Variants in TLR6 observed in about 807,000 individuals in gnomAD.
The protein encoded by TLR6 is toll-like receptor 6.
In TLR6, 9 loss-of-function variants were observed where a neutral mutation model predicts 16.1. That is an observed-to-expected ratio of 0.56 (90% confidence interval 0.34 to 0.98). The LOEUF is 0.98. TLR6 is among the 50% of genes least tolerant of loss of function. TLR6 has a pLI of 0.02. For missense variants in TLR6, 786 were observed against 921.0 expected (o/e 0.85, Z 1.90); for synonymous variants, 340 against 338.6 (o/e 1.00, Z -0.04).
chr4:38,858,989 C>T (rs919883997), upstream of TLR6, among the ~76,000 whole-genome samples: 1 of 152,156 alleles, frequency 6.6e-6, no homozygotes, highest in Non-Finnish European at 1.5e-5. Context: ...CACAGGTTAT[C>T]TTCTTGCCAG....
At chr4:38,865,824 C>T in the TLR6 span, among the ~76,000 whole-genome samples, 1 of 152,226 alleles carries the variant, frequency 6.6e-6, no homozygotes, top group Non-Finnish European at 1.5e-5. Context: ...ATTAAGATAA[C>T]TTTCTGGTTT....
chr4:38,840,096 T>C (rs1402496445), intron 1 of TLR6, among the ~76,000 whole-genome samples: 1 of 152,212 alleles, frequency 6.6e-6, no homozygotes, highest in Non-Finnish European at 1.5e-5. Context: ...TTTCAAGGTG[T>C]TACCAATAAA....
chr4:38,859,311 C>T (rs1713144026), upstream of TLR6, among the ~76,000 whole-genome samples: 3 of 152,244 alleles, frequency 2.0e-5, no homozygotes, highest in South Asian at 6.2e-4. Context: ...TGTCTGGAGC[C>T]ACCAGAGGCT....
At chr4:38,867,766 C>G in the TLR6 span, 2 of 151,402 alleles carry the variant, frequency 1.3e-5, no homozygotes, top group Admixed American at 1.3e-4. Context: ...GCCGCGTCCC[C>G]GCCGGCCCTG....
intron 1 of TLR6, among the ~76,000 whole-genome samples, chr4:38,851,648 G>C (rs926055195): frequency 1.3e-5 from 2 of 152,102 alleles, no homozygotes; most frequent in African/African-American, 4.8e-5. Context: ...TTGCTTCAAA[G>C]AGAATAAAAT....
In TLR6 at chr4:38,828,420, G is replaced by C. The variant is rs138235619; in HGVS notation, c.1054C>G (p.Pro352Ala). The change falls in exon 2 of 2, where the codon CCA becomes GCA. Residue 352 changes from proline (P) to alanine (A), a missense_variant. Physicochemically the swap from Pro to Ala is conservative, Grantham distance 27. Coordinates refer to ENST00000436693, the Ensembl canonical transcript of TLR6. Reference sequence around the variant, plus strand: ...AAGTTCAAAAACTTGAATGTGCTTGGTGCATGAGGACACAGCATGTGTATA... The same window carrying C: ...AAGTTCAAAAACTTGAATGTGCTTGCTGCATGAGGACACAGCATGTGTATA... The C allele has an allele frequency of 3.1e-6, 5 of 1,613,914 alleles. No individual in the cohort carries two copies. The African/African-American group carries it at 6.7e-5, about 22-fold the overall frequency.
chr4:38,850,339 C>G (rs1712714485), intron 1 of TLR6, among the ~76,000 whole-genome samples: 2 of 152,076 alleles, frequency 1.3e-5, no homozygotes, highest in African/African-American at 2.4e-5. Flanking sequence ...CAAGAGCAAA[C>G]ATATTGAAAA....
rs201247883 is a variant in TLR6, at chr4:38,828,536, G to A, written c.938C>T (p.Thr313Met). Residue 313 changes from threonine to methionine, a missense_variant, in exon 2 of 2, where the codon ACG becomes ATG. By Grantham distance (81) the Thr-to-Met change is moderately conservative (BLOSUM62 -1). Coordinates refer to ENST00000436693, the Ensembl canonical transcript of TLR6. ...CTGTGAAAACAGAAAAACTTGGTTC[G>A]TGATATGTTCTATTGTCAATGCTTT... The A allele has an allele frequency of 1.2e-4, 196 of 1,613,940 alleles. No homozygotes were observed. The highest frequency in any genetic ancestry group is 1.6e-4 in the Middle Eastern group (1 of 6,078).
chr4:38,834,485 T>C (rs1711800201), intron 1 of TLR6, among the ~76,000 whole-genome samples: 2 of 151,778 alleles, frequency 1.3e-5, no homozygotes, highest in South Asian at 4.1e-4. Flanking sequence ...AATGAAATAA[T>C]AGCTAAAAAC....
intron 1 of TLR6, among the ~76,000 whole-genome samples, chr4:38,833,625 A>G (rs1471500033): frequency 1.3e-5 from 2 of 152,238 alleles, no homozygotes; most frequent in East Asian, 3.8e-4. Context: ...CAACATAAGG[A>G]CACAAGAAAT....
chr4:38,831,293 CAAAA>C (rs59585432), intron 1 of TLR6, among the ~76,000 whole-genome samples: 1 of 140,454 alleles, frequency 7.1e-6, no homozygotes. Context: ...CCTCCACATG[CAAAA>C]AAAAAAAAAG....
chr4:38,857,884 T>C (rs1579264376), upstream of TLR6, among the ~76,000 whole-genome samples: 2 of 152,164 alleles, frequency 1.3e-5, no homozygotes, highest in Non-Finnish European at 1.5e-5. Context: ...AAGCAGCAGG[T>C]ATCTGTGACC....
chr4:38,842,771 T>C (rs993980266), intron 1 of TLR6, among the ~76,000 whole-genome samples: 3 of 151,920 alleles, frequency 2.0e-5, no homozygotes, highest in African/African-American at 7.3e-5. Context: ...TCTAATACCA[T>C]CACGTTGGTA....
chr4:38,854,895 T>C (rs534881125), intron 1 of TLR6, among the ~76,000 whole-genome samples: 1 of 152,244 alleles, frequency 6.6e-6, no homozygotes, highest in South Asian at 2.1e-4. Context: ...GAAAAAATGA[T>C]AATGTTAAAT....
chr4:38,858,798 A>AGG (rs1713105541), upstream of TLR6, among the ~76,000 whole-genome samples: 1 of 108,858 alleles, frequency 9.2e-6, no homozygotes, highest in African/African-American at 3.9e-5. Context: ...AGAGGGAGAG[A>AGG]GAGAGAGAGA....
intron 1 of TLR6, among the ~76,000 whole-genome samples, chr4:38,855,609 C>T (rs1712951442): frequency 2.0e-5 from 3 of 152,108 alleles, no homozygotes; most frequent in Admixed American, 2.0e-4. Flanking sequence ...TACAGGTCCC[C>T]GGCAACCAGA....
the TLR6 span, among the ~76,000 whole-genome samples, chr4:38,865,795 A>G: frequency 2.0e-5 from 3 of 152,242 alleles, no homozygotes; most frequent in African/African-American, 4.8e-5. Flanking sequence ...AATTTAAAGC[A>G]GTTTCCACCC....
chr4:38,864,843 C>A, the TLR6 span, among the ~76,000 whole-genome samples: 1 of 152,140 alleles, frequency 6.6e-6, no homozygotes, highest in African/African-American at 2.4e-5. Context: ...AAGACCACGA[C>A]TCTACAAAAA....
intron 1 of TLR6, among the ~76,000 whole-genome samples, chr4:38,850,500 A>C (rs1712725301): frequency 6.6e-6 from 1 of 152,230 alleles, no homozygotes; most frequent in South Asian, 2.1e-4. Context: ...AATAAAGAAG[A>C]AAAGAGAGAA....
Sources: gnomAD v4.1 joint callset for allele counts (sites outside exome capture counted in the v4.1 genomes callset) on GRCh38, gnomAD v4.1.1 for gene constraint, MANE v1.5 for transcripts, NCBI Gene and HGNC (gene_info 2026-07-23, HGNC 2026-07-21) for gene names.